Variants in ANKS1B observed in about 807,000 individuals in gnomAD.
ANKS1B encodes the protein ankyrin repeat and sterile alpha motif domain containing 1B.
A neutral mutation model predicts 148.3 loss-of-function variants in ANKS1B; 36 were observed. The ratio of observed to expected loss-of-function variants is 0.24; its 90% CI spans 0.19 to 0.32. The LOEUF (loss-of-function observed/expected upper bound fraction) is 0.32. Ranked by LOEUF, ANKS1B falls within the 10% of genes least tolerant of loss-of-function variation. The pLI, the probability that ANKS1B is intolerant of heterozygous loss-of-function variation, is 1.00. For synonymous variants in ANKS1B, 542 were observed against 560.8 expected, an observed-to-expected ratio of 0.97 and a Z score of 0.47; for missense variants, 1,157 against 1,542.6, an observed-to-expected ratio of 0.75 and a Z score of 4.19.
intron 8 of ANKS1B, among the ~76,000 whole-genome samples, chr12:99,704,158 C>G (rs1292476227): frequency 6.6e-6 from 1 of 152,020 alleles, no homozygotes; most frequent in African/African-American, 2.4e-5. Context: ...TGAACATAAT[C>G]AGCCCTGTTC....
chr12:99,927,976 T>C, intron 1 of ANKS1B, among the ~76,000 whole-genome samples: 1 of 152,238 alleles, frequency 6.6e-6, no homozygotes, highest in Non-Finnish European at 1.5e-5. Context: ...CCAAATATCT[T>C]CTTGGCACTT....
At chr12:99,129,735 T>G (rs935640109) in intron 15 of ANKS1B, among the ~76,000 whole-genome samples, 8 of 152,210 alleles carry the variant, frequency 5.3e-5, no homozygotes, top group Non-Finnish European at 1.0e-4. Flanking sequence ...AAGGTAATAC[T>G]GCCTGGATAA....
chr12:98,765,097 A>G (rs920050134), intron 25 of ANKS1B, among the ~76,000 whole-genome samples: 5 of 152,216 alleles, frequency 3.3e-5, no homozygotes, highest in African/African-American at 1.2e-4. Context: ...GAATATAAGC[A>G]TCACTATTAA....
chr12:99,562,165 G>A (rs2097343347), intron 9 of ANKS1B, among the ~76,000 whole-genome samples: 1 of 152,164 alleles, frequency 6.6e-6, no homozygotes, highest in Admixed American at 6.5e-5. Context: ...TTAACAGTGA[G>A]CTTAAAATAC....
chr12:98,743,697 G>C (rs2097824295), downstream of ANKS1B, among the ~76,000 whole-genome samples: 1 of 152,174 alleles, frequency 6.6e-6, no homozygotes, highest in Non-Finnish European at 1.5e-5. Context: ...CCAGTTTGGT[G>C]GTCCTTTCTC....
chr12:99,822,209 A>G (rs1311533289), intron 2 of ANKS1B, among the ~76,000 whole-genome samples: 3 of 152,138 alleles, frequency 2.0e-5, no homozygotes, highest in Non-Finnish European at 2.9e-5. Context: ...TTAAGTATGA[A>G]GAAGACCCTT....
chr12:98,741,658 C>T (rs916729897), downstream of ANKS1B, among the ~76,000 whole-genome samples: 6 of 152,180 alleles, frequency 3.9e-5, no homozygotes, highest in South Asian at 2.1e-4. Flanking sequence ...ACCCCAGAAA[C>T]GGCCCGCTAA....
chr12:99,246,102 A>G (rs1277789257), intron 13 of ANKS1B, among the ~76,000 whole-genome samples, 173 bp downstream of exon 13: 1 of 152,092 alleles, frequency 6.6e-6, no homozygotes, highest in Non-Finnish European at 1.5e-5. Flanking sequence ...GTTTGTTTTT[A>G]TACTTGCTGT....
chr12:99,133,334 T>C (rs2066800172), intron 15 of ANKS1B, among the ~76,000 whole-genome samples: 1 of 152,180 alleles, frequency 6.6e-6, no homozygotes, highest in African/African-American at 2.4e-5. Context: ...ATTACAGGCG[T>C]GAGCCACCAT....
intron 15 of ANKS1B, among the ~76,000 whole-genome samples, chr12:99,138,032 G>GTTT (rs1600801316): frequency 2.0e-5 from 3 of 151,944 alleles, no homozygotes; most frequent in Admixed American, 6.6e-5. Flanking sequence ...AAGCAAATGT[G>GTTT]TTTATTATTA....
intron 12 of ANKS1B, among the ~76,000 whole-genome samples, chr12:99,333,799 C>A (rs1168242502): frequency 6.7e-6 from 1 of 149,552 alleles, no homozygotes; most frequent in East Asian, 1.9e-4. Flanking sequence ...CACTTAGAAG[C>A]ACTGATTCCA....
chr12:99,473,390 C>T (rs2096271489), intron 10 of ANKS1B, among the ~76,000 whole-genome samples: 1 of 151,734 alleles, frequency 6.6e-6, no homozygotes, highest in Non-Finnish European at 1.5e-5. Flanking sequence ...ATTTTTCATT[C>T]TTACAAACAA....
At chr12:98,768,881 T>C (rs1053369389) in intron 25 of ANKS1B, among the ~76,000 whole-genome samples, 2 of 109,254 alleles carry the variant, frequency 1.8e-5, no homozygotes, top group Non-Finnish European at 3.8e-5. Flanking sequence ...CTAGCTTCTG[T>C]AGGGGGGGCT....
intron 12 of ANKS1B, among the ~76,000 whole-genome samples, chr12:99,360,982 G>A (rs887757468): frequency 6.6e-6 from 1 of 152,000 alleles, no homozygotes; most frequent in African/African-American, 2.4e-5. Flanking sequence ...GGACTGCGGG[G>A]AGGTGGGGAT....
At chr12:98,850,153 GA>G (rs1410473016) in intron 17 of ANKS1B, among the ~76,000 whole-genome samples, 1 of 151,852 alleles carries the variant, frequency 6.6e-6, no homozygotes, top group South Asian at 2.1e-4. Context: ...TTCATTAAAT[GA>G]AAAAAAATCA....
intron 17 of ANKS1B, among the ~76,000 whole-genome samples, chr12:98,962,526 T>A (rs1029855175): frequency 1.3e-5 from 2 of 151,980 alleles, no homozygotes; most frequent in Non-Finnish European, 2.9e-5. Context: ...AGTTTCAGCA[T>A]TGAACAAATG....
At chr12:99,042,046 C>T (rs1305506509) in intron 17 of ANKS1B, among the ~76,000 whole-genome samples, 1 of 151,860 alleles carries the variant, frequency 6.6e-6, no homozygotes, top group Non-Finnish European at 1.5e-5. Context: ...AACAAAAAAA[C>T]CCATAAAACA....
intron 9 of ANKS1B, among the ~76,000 whole-genome samples, chr12:99,639,026 T>A (rs761399719): frequency 7.2e-5 from 11 of 152,150 alleles, no homozygotes; most frequent in African/African-American, 2.4e-4. Context: ...AGAGGATGCA[T>A]GGAAATGCCT....
intron 8 of ANKS1B, among the ~76,000 whole-genome samples, chr12:99,666,359 G>A (rs1318402555): frequency 6.6e-6 from 1 of 152,154 alleles, no homozygotes; most frequent in Non-Finnish European, 1.5e-5. Context: ...TGGGATTGTA[G>A]TCCATAGTAC....
Sources: gnomAD v4.1 joint callset for allele counts (sites outside exome capture counted in the v4.1 genomes callset) on GRCh38, gnomAD v4.1.1 for gene constraint, MANE v1.5 for transcripts, NCBI Gene and HGNC (gene_info 2026-07-23, HGNC 2026-07-21) for gene names.